STRBP: variants seen among roughly 807,000 people sequenced by gnomAD.
STRBP encodes the protein spermatid perinuclear RNA binding protein.
In STRBP, 13 loss-of-function variants were observed where a neutral mutation model predicts 80.1. That is an observed-to-expected ratio of 0.16 (90% CI 0.11 to 0.26). The LOEUF (loss-of-function observed/expected upper bound fraction) is 0.26. STRBP is among the 10% of genes least tolerant of loss of function. The probability of loss-of-function intolerance (pLI) is 1.00; values close to 1 mark genes in which losing one functional copy is unlikely to be tolerated. For synonymous variants in STRBP, 284 were observed against 291.2 expected (o/e 0.98, Z 0.25); for missense variants, 485 against 815.2 (o/e 0.59, Z 4.93).
intron 2 of STRBP, among the ~76,000 whole-genome samples, chr9:123,227,562 T>C (rs1189149514): frequency 6.7e-6 from 1 of 150,292 alleles, no homozygotes; most frequent in Non-Finnish European, 1.5e-5. Context: ...TCTTTTTTTT[T>C]TTTTCTTTTT....
At chr9:123,180,413 T>G (rs914889979) in intron 3 of STRBP, among the ~76,000 whole-genome samples, 6 of 152,180 alleles carry the variant, frequency 3.9e-5, no homozygotes, top group African/African-American at 1.4e-4. Context: ...TTAAATAGAC[T>G]AGTGGGAGAC....
chr9:123,159,307 G>T, intron 8 of STRBP, 100 bp from the exon 9 acceptor site: 1 of 717,822 alleles, frequency 1.4e-6, no homozygotes, highest in Non-Finnish European at 2.2e-6. Flanking sequence ...AGGCCAAAGA[G>T]TGAAATTCAA....
At chr9:123,259,800 A>G (rs1475347620) in intron 1 of STRBP, among the ~76,000 whole-genome samples, 4 of 152,256 alleles carry the variant, frequency 2.6e-5, no homozygotes, top group African/African-American at 7.2e-5. Context: ...GAACCAAAAA[A>G]GAGACTATGA....
intron 1 of STRBP, among the ~76,000 whole-genome samples, chr9:123,259,507 G>C (rs1490957164): frequency 1.3e-5 from 2 of 152,112 alleles, no homozygotes; most frequent in African/African-American, 4.8e-5. Flanking sequence ...CGGAGTTCGA[G>C]ACCAGCCTGA....
intron 1 of STRBP, among the ~76,000 whole-genome samples, chr9:123,268,049 C>T (rs1214217017): frequency 6.6e-6 from 1 of 151,424 alleles, no homozygotes; most frequent in Non-Finnish European, 1.5e-5. Context: ...CAGCTCCTGC[C>T]CCCAATGTCC....
intron 6 of STRBP, among the ~76,000 whole-genome samples, chr9:123,165,974 C>G (rs2037740915): frequency 6.6e-6 from 1 of 152,202 alleles, no homozygotes; most frequent in Non-Finnish European, 1.5e-5. Context: ...ATACTTCTTA[C>G]ACACTGGAGA....
chr9:123,214,913 T>G (rs567847572), intron 2 of STRBP, among the ~76,000 whole-genome samples: 3 of 152,222 alleles, frequency 2.0e-5, no homozygotes, highest in African/African-American at 7.2e-5. Flanking sequence ...GCATATAGAT[T>G]GCTTCGCATT....
intron 16 of STRBP, chr9:123,135,813 A>C: frequency 2.6e-6 from 1 of 387,328 alleles, no homozygotes; most frequent in Non-Finnish European, 4.6e-6. Flanking sequence ...ATATATACAT[A>C]TAAATATAAA....
At chr9:123,200,731 C>T (rs11536786) in intron 2 of STRBP, among the ~76,000 whole-genome samples, 1 of 13,516 alleles carries the variant, frequency 7.4e-5, no homozygotes, top group African/African-American at 1.8e-4. Context: ...ACACACCCCG[C>T]TAATTTTTTT....
intron 14 of STRBP, 36 bp downstream of exon 14, chr9:123,139,493 T>TA: frequency 6.6e-7 from 1 of 1,509,666 alleles, no homozygotes; most frequent in Non-Finnish European, 8.9e-7. Flanking sequence ...AATGCACATA[T>TA]ATGTTATTTT....
At position 123,146,013 on chromosome 9, in the gene STRBP, G is replaced by A. The variant is rs186340609; in HGVS notation, c.1338+842C>T. Among the ~76,000 whole-genome samples, 9 of 151,530 alleles carry A rather than the reference G, an allele frequency of 5.9e-5. No homozygotes were observed. In the East Asian group the frequency reaches 1.7e-3, roughly 29 times the overall value. On this transcript the variant is annotated intron_variant, in intron 13 of 18. Transcript: ENST00000348403. ...GAGCAGGAACTTTGTTTCATTAACT[G>A]CTATATCCCCAGTATCTAGGATGGT...
chr9:123,157,461 C>T (rs141819038), intron 11 of STRBP, among the ~76,000 whole-genome samples: 32 of 152,160 alleles, frequency 2.1e-4, no homozygotes, highest in African/African-American at 7.2e-4. Flanking sequence ...GCTGACGTTA[C>T]CTAATAAGAA....
intron 2 of STRBP, among the ~76,000 whole-genome samples, chr9:123,234,217 AAAG>A (rs1229589355): frequency 5.3e-5 from 8 of 150,372 alleles, no homozygotes; most frequent in South Asian, 4.2e-4. Flanking sequence ...AAAAAAAAAA[AAAG>A]AAGTAAAACT....
At chr9:123,217,311 G>A (rs548219174) in intron 2 of STRBP, among the ~76,000 whole-genome samples, 1 of 152,100 alleles carries the variant, frequency 6.6e-6, no homozygotes, top group South Asian at 2.1e-4. Context: ...ATGGTTAAAG[G>A]TTAGGAAAAC....
rs2037363916 is a variant in STRBP at position 123,158,018 on chromosome 9, T to C, written c.1039A>G (p.Lys347Glu). The C allele has an allele frequency of 6.2e-7, 1 of 1,610,330 alleles. No homozygotes were observed. The highest frequency in any genetic ancestry group is 8.5e-7 in the Non-Finnish European group (1 of 1,178,182). The change falls in exon 11 of 19, where the codon AAA becomes GAA. Residue 347 changes from lysine to glutamate, a missense_variant. Coordinates refer to ENST00000348403, the MANE Select transcript of STRBP (RefSeq NM_018387.5). ...FQKYSWSVTD[K>E]EGAGSSALKR... is the part of the protein sequence containing the mutation. Reference sequence around the variant, plus strand: ...AAAAAACTTCCATGCTCACCTTCTTTATCAGTAACTGACCAGGAATACTTC... The same window carrying C: ...AAAAAACTTCCATGCTCACCTTCTTCATCAGTAACTGACCAGGAATACTTC...
At chr9:123,120,373 GA>G (rs1462991599), downstream of STRBP, among the ~76,000 whole-genome samples, 1 of 151,680 alleles carries the variant, frequency 6.6e-6, no homozygotes, top group Non-Finnish European at 1.5e-5. Context: ...GGCATCAGAT[GA>G]ATGGGAATTA....
At chr9:123,223,490 A>G (rs1434274017) in intron 2 of STRBP, among the ~76,000 whole-genome samples, 1 of 152,170 alleles carries the variant, frequency 6.6e-6, no homozygotes, top group Admixed American at 6.6e-5. Flanking sequence ...TTTGTATTAC[A>G]TGCTCAATTT....
rs900866720 is a variant in STRBP, at chr9:123,124,719, GATTA to G, written c.*874_*877del. ...CAAGAACAAGAGAGGGTGATTGATT[GATTA>G]ATTTATTATTTTTAAAAACTTGGAA... On this transcript the variant is annotated 3_prime_UTR_variant, in exon 19 of 19. Coordinates refer to ENST00000348403, the MANE Select transcript of STRBP (RefSeq NM_018387.5). The G allele has an allele frequency of 2.0e-6, 2 of 985,010 alleles. No individual in the cohort carries two copies. The highest frequency in any genetic ancestry group is 1.7e-5 in the African/African-American group (1 of 57,224). 61.0% of individuals were successfully genotyped at this position (985,010 alleles called of 1,614,324 possible). A position where few individuals can be genotyped will look rare whatever the true frequency, so the allele number is the denominator to read the frequency against.
At chr9:123,185,591 CAT>C (rs1160083391) in intron 2 of STRBP, among the ~76,000 whole-genome samples, 1 of 152,108 alleles carries the variant, frequency 6.6e-6, no homozygotes, top group Non-Finnish European at 1.5e-5. Context: ...ATCTAAGTAA[CAT>C]AATACTAAAT....
Sources: gnomAD v4.1 joint callset for allele counts (sites outside exome capture counted in the v4.1 genomes callset) on GRCh38, gnomAD v4.1.1 for gene constraint, MANE v1.5 for transcripts, NCBI Gene and HGNC (gene_info 2026-07-23, HGNC 2026-07-21) for gene names.